UBE2E2: variants seen among roughly 807,000 people sequenced by gnomAD.
UBE2E2 encodes ubiquitin conjugating enzyme E2 E2, also known as ubiquitin-conjugating enzyme E2 E2.
Under a neutral mutation model 24.7 loss-of-function variants are expected in UBE2E2, and 6 were observed. The ratio of observed to expected loss-of-function variants is 0.24; its 90% CI spans 0.13 to 0.48. The LOEUF (loss-of-function observed/expected upper bound fraction) is 0.48. UBE2E2 is among the 20% of genes least tolerant of loss of function. The pLI, the probability that UBE2E2 is intolerant of heterozygous loss-of-function variation, is 0.99. For missense variants in UBE2E2, 169 were observed against 245.0 expected (o/e 0.69, Z 2.07); for synonymous variants, 104 against 83.6 (o/e 1.24, Z -1.33).
chr3:23,278,750 A>G (rs1457636960), intron 3 of UBE2E2, among the ~76,000 whole-genome samples: 1 of 152,164 alleles, frequency 6.6e-6, no homozygotes, highest in Non-Finnish European at 1.5e-5. Context: ...AGTATTAATG[A>G]AATTTGAAAC....
At chr3:23,255,966 C>T (rs1697710663) in intron 3 of UBE2E2, among the ~76,000 whole-genome samples, 1 of 152,166 alleles carries the variant, frequency 6.6e-6, no homozygotes, top group African/African-American at 2.4e-5. Context: ...CACGGCAAGA[C>T]TCTGCCTCTA....
chr3:23,408,437 C>T (rs895461188), intron 3 of UBE2E2, among the ~76,000 whole-genome samples: 1 of 152,150 alleles, frequency 6.6e-6, no homozygotes, highest in African/African-American at 2.4e-5. Flanking sequence ...AAAATACATC[C>T]TGCAACTTTG....
chr3:23,466,552 T>A (rs752227144), intron 3 of UBE2E2, among the ~76,000 whole-genome samples: 14 of 107,522 alleles, frequency 1.3e-4, no homozygotes, highest in Admixed American at 7.9e-4. Context: ...CAGAGTCTGT[T>A]TTGTTTTTGT....
chr3:23,250,795 A>G (rs1324747760), intron 3 of UBE2E2, among the ~76,000 whole-genome samples: 2 of 152,144 alleles, frequency 1.3e-5, no homozygotes, highest in Admixed American at 6.5e-5. Context: ...TGTCACTTCA[A>G]TTATAGTAAC....
chr3:23,396,277 A>T (rs1388478065), intron 3 of UBE2E2, among the ~76,000 whole-genome samples: 1 of 147,636 alleles, frequency 6.8e-6, no homozygotes, highest in African/African-American at 2.5e-5. Flanking sequence ...AAAGTTCTTG[A>T]CCTCATAGTT....
chr3:23,404,260 A>G (rs1559373871), intron 3 of UBE2E2, among the ~76,000 whole-genome samples: 4 of 152,136 alleles, frequency 2.6e-5, no homozygotes, highest in African/African-American at 9.7e-5. Flanking sequence ...TTTATTGAAC[A>G]TTGGCTTTTT....
At chr3:23,524,765 T>A (rs550667478) in intron 4 of UBE2E2, among the ~76,000 whole-genome samples, 1 of 152,246 alleles carries the variant, frequency 6.6e-6, no homozygotes, top group African/African-American at 2.4e-5. Context: ...TAAGGAGAGA[T>A]GATTCTGTGA....
intron 3 of UBE2E2, among the ~76,000 whole-genome samples, chr3:23,328,813 C>T (rs1424439827): frequency 6.6e-6 from 1 of 152,144 alleles, no homozygotes; most frequent in Non-Finnish European, 1.5e-5. Context: ...AGGTGCCCGC[C>T]ACCATGCCCG....
intron 5 of UBE2E2, among the ~76,000 whole-genome samples, chr3:23,558,125 A>G (rs1695834106): frequency 6.6e-6 from 1 of 152,212 alleles, no homozygotes; most frequent in Admixed American, 6.5e-5. Context: ...ACCTAATGAG[A>G]TAAGTCCTCC....
chr3:23,588,093 A>G (rs576624471), intron 5 of UBE2E2, among the ~76,000 whole-genome samples: 1 of 152,156 alleles, frequency 6.6e-6, no homozygotes, highest in Non-Finnish European at 1.5e-5. Flanking sequence ...ACATATGACC[A>G]TGAGTGCCTT....
chr3:23,203,234 CG>C, upstream of UBE2E2: 2 of 987,982 alleles, frequency 2.0e-6, no homozygotes, highest in East Asian at 1.1e-4. Flanking sequence ...CTGGAACGGC[CG>C]GGGGCGGCGG....
intron 3 of UBE2E2, among the ~76,000 whole-genome samples, chr3:23,433,635 C>T (rs1698116673): frequency 6.6e-6 from 1 of 151,564 alleles, no homozygotes; most frequent in Non-Finnish European, 1.5e-5. Context: ...ATCAAGAAAA[C>T]AGCTTGTCTT....
At chr3:23,537,098 T>C (rs1006076881) in intron 5 of UBE2E2, among the ~76,000 whole-genome samples, 1 of 152,224 alleles carries the variant, frequency 6.6e-6, no homozygotes, top group Non-Finnish European at 1.5e-5. Context: ...TAAGGTAATC[T>C]GTAAGTGGTA....
chr3:23,390,348 C>T (rs548506355), intron 3 of UBE2E2, among the ~76,000 whole-genome samples: 3 of 152,228 alleles, frequency 2.0e-5, no homozygotes, highest in South Asian at 4.2e-4. Flanking sequence ...CAAGAGGAGT[C>T]GCAGCACTGA....
At chr3:23,533,070 G>T (rs549311629) in intron 5 of UBE2E2, among the ~76,000 whole-genome samples, 2 of 152,222 alleles carry the variant, frequency 1.3e-5, no homozygotes, top group East Asian at 3.9e-4. Context: ...AGGAATGTGG[G>T]CTATTAAAAT....
In UBE2E2 at chr3:23,494,885, G is replaced by C. The variant is rs145802720; in HGVS notation, c.228-4723G>C. ...TATCTCCTGGGATAGGAGTATTTCAGATACTCCTCCCGAGTAGCTGGGATT... is the reference window on the plus strand; with the variant it reads ...TATCTCCTGGGATAGGAGTATTTCACATACTCCTCCCGAGTAGCTGGGATT... On this transcript the variant is annotated intron_variant, in intron 3 of 5. Coordinates refer to ENST00000396703, the MANE Select transcript of UBE2E2 (RefSeq NM_152653.4). 1.8e-3 allele frequency among the ~76,000 whole-genome samples: 269 copies of C among 151,934 alleles called. 1 individual carries two copies. The highest frequency in any genetic ancestry group is 6.2e-3 in the African/African-American group (258 of 41,424).
At chr3:23,309,607 C>T (rs1699321813) in intron 3 of UBE2E2, among the ~76,000 whole-genome samples, 1 of 152,056 alleles carries the variant, frequency 6.6e-6, no homozygotes, top group Non-Finnish European at 1.5e-5. Context: ...TGTCTCCTGA[C>T]GTCTTTCACA....
Position 23,571,896 on chromosome 3 carries a change from G to A in UBE2E2, c.509-17838G>A, listed in dbSNP as rs779209165. ...ACTGCCACACAAACTACACTCCCAA[G>A]GTAGTAGCTCAGTATTCCCACAAAC... On this transcript the variant is annotated intron_variant, in intron 5 of 5. Transcript: ENST00000396703. 1.2e-4 allele frequency among the ~76,000 whole-genome samples: 19 copies of A among 152,296 alleles called. No homozygotes were observed. The South Asian group carries it at 1.4e-3, about 12-fold the overall frequency.
chr3:23,365,034 A>C (rs1257039988), intron 3 of UBE2E2, among the ~76,000 whole-genome samples: 1 of 152,196 alleles, frequency 6.6e-6, no homozygotes, highest in African/African-American at 2.4e-5. Context: ...TGATCCTCTA[A>C]ATAGATGCAG....
Sources: allele counts gnomAD v4.1 joint callset (sites outside exome capture counted in the v4.1 genomes callset), GRCh38; gene constraint gnomAD v4.1.1; transcripts MANE v1.5; gene names NCBI Gene and HGNC (gene_info 2026-07-23, HGNC 2026-07-21).